The following CIROZ variants were observed in gnomAD, a reference collection of about 807,000 sequenced individuals.
CIROZ encodes ciliated left-right organizer protein containing ZP-N domains.
chr1:10,957,568 C>T, the CIROZ span: 6 of 1,606,530 alleles, frequency 3.7e-6, no homozygotes, highest in South Asian at 6.7e-5. Context: ...AGGTGCTATG[C>T]CCCAGAGGCC....
chr1:10,962,308 A>G, the CIROZ span, among the ~76,000 whole-genome samples: 1 of 152,002 alleles, frequency 6.6e-6, no homozygotes, highest in Admixed American at 6.6e-5. Context: ...TTAGCCGAGT[A>G]TGGTAATGCA....
the CIROZ span, among the ~76,000 whole-genome samples, chr1:10,959,406 A>G: frequency 3.3e-5 from 5 of 152,132 alleles, no homozygotes; most frequent in Admixed American, 3.3e-4. The surrounding 1 kb of genome is among the most constrained non-coding windows in gnomAD (Gnocchi z 4.3). Flanking sequence ...ACCAGGGCCC[A>G]AGGTGATGGC....
At chr1:10,961,594 T>C in the CIROZ span, among the ~76,000 whole-genome samples, 1 of 151,990 alleles carries the variant, frequency 6.6e-6, no homozygotes, top group Non-Finnish European at 1.5e-5. Context: ...CATGCCTTGG[T>C]CGTATCTGTT....
the CIROZ span, chr1:10,954,998 G>A: frequency 6.2e-7 from 1 of 1,603,104 alleles, no homozygotes; most frequent in Non-Finnish European, 8.5e-7. Context: ...ACCTGGACCT[G>A]GAGCACCCCG....
the CIROZ span, among the ~76,000 whole-genome samples, chr1:10,971,615 A>C: frequency 6.6e-6 from 1 of 151,988 alleles, no homozygotes; most frequent in East Asian, 1.9e-4. Flanking sequence ...ACCCCCACCC[A>C]TTCTCTACCC....
the CIROZ span, among the ~76,000 whole-genome samples, chr1:10,963,112 G>T: frequency 6.6e-6 from 1 of 152,036 alleles, no homozygotes; most frequent in Non-Finnish European, 1.5e-5. Flanking sequence ...AAACAGGCCG[G>T]GTGCAGTGGC....
the CIROZ span, among the ~76,000 whole-genome samples, chr1:10,951,745 A>AAAAAAAT: frequency 8.5e-4 from 101 of 119,160 alleles, no homozygotes; most frequent in African/African-American, 3.4e-3. Flanking sequence ...AAAAAAAAAA[A>AAAAAAAT]ATATATATAT....
the CIROZ span, among the ~76,000 whole-genome samples, chr1:10,958,391 A>G: frequency 1.3e-5 from 2 of 152,240 alleles, no homozygotes; most frequent in African/African-American, 4.8e-5. Context: ...ACAAAGGAAC[A>G]AGCTCCCTGT....
chr1:10,976,253 G>C, the CIROZ span: 58 of 1,535,500 alleles, frequency 3.8e-5, no homozygotes, highest in Non-Finnish European at 4.7e-5. Context: ...CAAGCCAGAC[G>C]GCCCTGCGGG....
chr1:10,960,421 A>G, the CIROZ span, among the ~76,000 whole-genome samples: 1 of 152,052 alleles, frequency 6.6e-6, no homozygotes, highest in East Asian at 1.9e-4. The surrounding 1 kb of genome is among the most constrained non-coding windows in gnomAD (Gnocchi z 4.6). Context: ...AAGAAAAAAA[A>G]AGAAAGGAAG....
the CIROZ span, chr1:10,949,584 T>C: frequency 6.4e-7 from 1 of 1,568,696 alleles, no homozygotes; most frequent in East Asian, 2.3e-5. Context: ...CCAGACTCTT[T>C]GGAGGAAACC....
chr1:10,979,642 G>A, the CIROZ span, among the ~76,000 whole-genome samples: 216 of 152,242 alleles, frequency 1.4e-3, 1 homozygote, highest in African/African-American at 4.9e-3. Flanking sequence ...ACTGTTGACA[G>A]CAGTGCTATT....
At chr1:10,948,798 C>T in the CIROZ span, 56 of 1,513,552 alleles carry the variant, frequency 3.7e-5, no homozygotes, top group South Asian at 7.4e-4. Flanking sequence ...AGATGTCTGG[C>T]CTCTTCTCGC....
chr1:10,960,131 G>A, the CIROZ span, among the ~76,000 whole-genome samples: 1 of 152,108 alleles, frequency 6.6e-6, no homozygotes, highest in Admixed American at 6.5e-5. The surrounding 1 kb of genome is among the most constrained non-coding windows in gnomAD (Gnocchi z 4.6). Context: ...CTCATGCCTG[G>A]AATCTCAGCA....
At chr1:10,970,399 G>T in the CIROZ span, among the ~76,000 whole-genome samples, 1 of 152,096 alleles carries the variant, frequency 6.6e-6, no homozygotes, top group South Asian at 2.1e-4. Context: ...AGACCGAGGC[G>T]GGTGGATCAC....
chr1:10,949,952 G>T, the CIROZ span: 2 of 721,630 alleles, frequency 2.8e-6, no homozygotes, highest in Non-Finnish European at 4.4e-6. Context: ...CAAGTCCTGG[G>T]TTGGGAAATG....
At chr1:10,947,585 C>G in the CIROZ span, 6 of 1,228,338 alleles carry the variant, frequency 4.9e-6, no homozygotes, top group Non-Finnish European at 5.3e-6. Flanking sequence ...TCCAGGCCGA[C>G]CCATCACTGC....
At chr1:10,981,601 G>A in the CIROZ span, among the ~76,000 whole-genome samples, 44 of 152,226 alleles carry the variant, frequency 2.9e-4, no homozygotes, top group Middle Eastern at 3.4e-3. Flanking sequence ...CCTTACAATC[G>A]AATAGCTAGC....
chr1:10,975,990 T>C, the CIROZ span, among the ~76,000 whole-genome samples: 3 of 152,168 alleles, frequency 2.0e-5, no homozygotes, highest in Admixed American at 6.6e-5. Flanking sequence ...GAATGCCGCT[T>C]CCTTGTTGGG....
Sources: allele counts gnomAD v4.1 joint callset (sites outside exome capture counted in the v4.1 genomes callset), GRCh38; gene constraint gnomAD v4.1.1; non-coding constraint Gnocchi (gnomAD v3.1); transcripts MANE v1.5; gene names NCBI Gene and HGNC (gene_info 2026-07-23, HGNC 2026-07-21).